Variants in CDC73 observed in about 807,000 individuals in gnomAD.
CDC73 encodes the protein cell division cycle 73, also known as parafibromin.
A neutral mutation model predicts 83.7 loss-of-function variants in CDC73; 21 were observed. The ratio of observed to expected loss-of-function variants is 0.25; its 90% CI spans 0.18 to 0.36. The LOEUF (loss-of-function observed/expected upper bound fraction) is 0.36, where lower values mean the gene tolerates loss of function less well. Among genes scored for constraint, CDC73 ranks in the 10% least tolerant of loss-of-function variants. CDC73 has a pLI of 1.00. For missense variants in CDC73, 342 were observed against 653.3 expected (o/e 0.52, Z 5.19); for synonymous variants, 224 against 212.9 (o/e 1.05, Z -0.45).
intron 10 of CDC73, among the ~76,000 whole-genome samples, chr1:193,184,119 T>G (rs146057519): frequency 3.6e-4 from 55 of 152,028 alleles, no homozygotes; most frequent in African/African-American, 1.3e-3. Context: ...GTGATAGAGA[T>G]GCATCTTAAT....
At chr1:193,136,813 C>T (rs1236579161) in intron 5 of CDC73, among the ~76,000 whole-genome samples, 6 of 152,144 alleles carry the variant, frequency 3.9e-5, no homozygotes, top group African/African-American at 7.2e-5. Context: ...CTCGGCCTCC[C>T]GAAGTGCTGG....
chr1:193,191,378 A>C (rs779223412), intron 10 of CDC73, among the ~76,000 whole-genome samples: 3 of 152,058 alleles, frequency 2.0e-5, no homozygotes, highest in Non-Finnish European at 4.4e-5. Context: ...GCATATTTTT[A>C]TCATAAATCT....
chr1:193,131,967 A>T (rs114796647), intron 3 of CDC73, among the ~76,000 whole-genome samples: 3 of 152,352 alleles, frequency 2.0e-5, no homozygotes, highest in African/African-American at 7.2e-5. Context: ...CTTTCCCATT[A>T]GAAGGTAAAT....
At chr1:193,245,593 A>G (rs7525286) in intron 15 of CDC73, among the ~76,000 whole-genome samples, 7,274 of 152,222 alleles carry the variant, frequency 0.048, 490 homozygotes, top group African/African-American at 0.15. Flanking sequence ...AATGCATTAA[A>G]CATGGGGGTG....
At chr1:193,200,777 G>A (rs989107530) in intron 10 of CDC73, among the ~76,000 whole-genome samples, 4 of 151,966 alleles carry the variant, frequency 2.6e-5, no homozygotes, top group East Asian at 1.9e-4. Context: ...GTGTGTGTGC[G>A]CGCGTGCGTA....
chr1:193,175,316 A>G (rs1009581375), intron 10 of CDC73, among the ~76,000 whole-genome samples: 5 of 152,220 alleles, frequency 3.3e-5, no homozygotes, highest in Non-Finnish European at 7.3e-5. Context: ...AATAGGGGCA[A>G]GATGAAGAAA....
At chr1:193,211,015 C>T (rs530754553) in intron 11 of CDC73, among the ~76,000 whole-genome samples, 1 of 152,176 alleles carries the variant, frequency 6.6e-6, no homozygotes, top group African/African-American at 2.4e-5. Context: ...ACAGTTATTA[C>T]AGTGGTAATC....
chr1:193,142,058 A>T lies in CDC73; in HGVS notation c.721A>T (p.Thr241Ser). ...WRTRTTILQS[T>S]GKNFSKNIFA... Reference sequence around the variant, plus strand: ...GACACGAACAACTATCTTACAAAGCACAGGAAAGGTAATTAAAATATTTTA... The same window carrying T: ...GACACGAACAACTATCTTACAAAGCTCAGGAAAGGTAATTAAAATATTTTA... Residue 241 changes from threonine (T) to serine (S), a missense_variant, in exon 7 of 17, where the codon ACA becomes TCA. Physicochemically the swap from Thr to Ser is moderately conservative, Grantham distance 58 (BLOSUM62 1). Coordinates refer to ENST00000367435, the MANE Select transcript of CDC73 (RefSeq NM_024529.5). 1 of 1,611,494 alleles carries T rather than the reference A, an allele frequency of 6.2e-7. No homozygotes were observed.
intron 10 of CDC73, among the ~76,000 whole-genome samples, chr1:193,166,969 AT>A (rs1676445054): frequency 6.6e-6 from 1 of 152,210 alleles, no homozygotes; most frequent in Non-Finnish European, 1.5e-5. Context: ...ATTTTGCTTA[AT>A]TGAAGTTCCA....
rs117636625 is a variant in CDC73, at chr1:193,247,869, T to C, written c.1418-1861T>C. Reference sequence around the variant, plus strand: ...TTGGAAGGTAGCAGTAGATGGTTCATGGATTTAAGGAAGTAAGCCATCTCT... The same window carrying C: ...TTGGAAGGTAGCAGTAGATGGTTCACGGATTTAAGGAAGTAAGCCATCTCT... On this transcript the variant is annotated intron_variant, in intron 15 of 16. Transcript: ENST00000367435. Among the ~76,000 whole-genome samples, 485 of 152,194 alleles carry C rather than the reference T, an allele frequency of 3.2e-3. 5 individuals are homozygous for C. The highest frequency in any genetic ancestry group is 0.018 in the South Asian group (89 of 4,816).
At chr1:193,200,758 CGTGTGT>C (rs112571232) in intron 10 of CDC73, among the ~76,000 whole-genome samples, 18 of 150,640 alleles carry the variant, frequency 1.2e-4, no homozygotes, top group African/African-American at 4.1e-4. Context: ...TAATACATTC[CGTGTGT>C]GTGTGTGTGT....
intron 10 of CDC73, among the ~76,000 whole-genome samples, chr1:193,184,615 G>A (rs1018994480): frequency 6.6e-6 from 1 of 151,446 alleles, no homozygotes. Context: ...TTAGTCTGTT[G>A]GTGATGGTTT....
At chr1:193,128,536 C>T (rs1379236988) in intron 2 of CDC73, among the ~76,000 whole-genome samples, 1 of 151,850 alleles carries the variant, frequency 6.6e-6, no homozygotes, top group East Asian at 1.9e-4. Context: ...AACTCCTGGG[C>T]TCCAGCAATC....
chr1:193,207,900 T>G (rs6697079), intron 11 of CDC73, among the ~76,000 whole-genome samples: 1 of 152,114 alleles, frequency 6.6e-6, no homozygotes, highest in South Asian at 2.1e-4. Flanking sequence ...ACTTCTCCTC[T>G]TATCCCATAG....
intron 8 of CDC73, among the ~76,000 whole-genome samples, chr1:193,149,885 A>T (rs989763465): frequency 6.6e-6 from 1 of 152,148 alleles, no homozygotes; most frequent in Non-Finnish European, 1.5e-5. Context: ...TTTATAATGG[A>T]TTAATCATCA....
chr1:193,239,431 A>G, intron 15 of CDC73, among the ~76,000 whole-genome samples: 1 of 152,250 alleles, frequency 6.6e-6, no homozygotes, highest in African/African-American at 2.4e-5. Flanking sequence ...TATTTTGTTA[A>G]TGTTGCATAA....
intron 15 of CDC73, among the ~76,000 whole-genome samples, chr1:193,238,400 C>G (rs951285990): frequency 6.6e-6 from 1 of 152,186 alleles, no homozygotes; most frequent in Non-Finnish European, 1.5e-5. Context: ...CTGGCTCTTG[C>G]TCTGTACTAA....
At chr1:193,135,127 C>T (rs1196895559) in intron 3 of CDC73, among the ~76,000 whole-genome samples, 3 of 151,866 alleles carry the variant, frequency 2.0e-5, no homozygotes, top group Non-Finnish European at 2.9e-5. Context: ...GGAGCATATA[C>T]TTTGAAGCAA....
At chr1:193,224,534 G>A (rs1677530967) in intron 13 of CDC73, among the ~76,000 whole-genome samples, 2 of 150,676 alleles carry the variant, frequency 1.3e-5, no homozygotes, top group South Asian at 2.1e-4. Flanking sequence ...TATGAAATAT[G>A]CATTCACATA....
Sources: gnomAD v4.1 joint callset for allele counts (sites outside exome capture counted in the v4.1 genomes callset) on GRCh38, gnomAD v4.1.1 for gene constraint, MANE v1.5 for transcripts, NCBI Gene and HGNC (gene_info 2026-07-23, HGNC 2026-07-21) for gene names.